Variants in LRRC17 observed in about 807,000 individuals in gnomAD.
LRRC17 encodes the protein leucine-rich repeat-containing protein 17.
In LRRC17, 33 loss-of-function variants were observed where a neutral mutation model predicts 41.5. The ratio of observed to expected loss-of-function variants is 0.80; its 90% confidence interval spans 0.60 to 1.06. The LOEUF is 1.06. Among genes scored for constraint, LRRC17 ranks in the 50% least tolerant of loss-of-function variants. The probability of loss-of-function intolerance (pLI) is 0.00; values close to 1 mark genes in which losing one functional copy is unlikely to be tolerated. For synonymous variants in LRRC17, 192 were observed against 197.0 expected (o/e 0.97, Z 0.21); for missense variants, 491 against 519.3 (o/e 0.95, Z 0.53).
intron 3 of LRRC17, among the ~76,000 whole-genome samples, chr7:102,943,908 G>C (rs1037510460): frequency 2.6e-5 from 4 of 152,146 alleles, no homozygotes; most frequent in Non-Finnish European, 5.9e-5. Flanking sequence ...ACCAAAGTTA[G>C]GACCCCACCT....
intron 1 of LRRC17, among the ~76,000 whole-genome samples, chr7:102,922,368 G>C (rs747193013): frequency 2.6e-5 from 4 of 151,696 alleles, no homozygotes; most frequent in Non-Finnish European, 5.9e-5. Context: ...CTTCTAAAAG[G>C]AAAGAAATCA....
chr7:102,932,040 A>C, intron 1 of LRRC17: 1 of 1,054,476 alleles, frequency 9.5e-7, no homozygotes, highest in Non-Finnish European at 1.4e-6. Context: ...ACAAACAAAA[A>C]CCTTGGCAAG....
At position 102,944,653 on chromosome 7, in the gene LRRC17, G is replaced by A. The variant is rs761514085; in HGVS notation, c.*46G>A. ...TAATTAGTTTTGTATTTTCTATACTGGTGTTAGAAAACATATGTTTACATT... is the reference window on the plus strand; with the variant it reads ...TAATTAGTTTTGTATTTTCTATACTAGTGTTAGAAAACATATGTTTACATT... On this transcript the variant is annotated 3_prime_UTR_variant, in exon 4 of 4. Coordinates refer to ENST00000339431, the MANE Select transcript of LRRC17 (RefSeq NM_001031692.3). The A allele has an allele frequency of 2.7e-6, 4 of 1,480,226 alleles. No individual in the cohort carries two copies. The highest frequency in any genetic ancestry group is 1.4e-5 in the African/African-American group (1 of 71,070). 91.7% of individuals were successfully genotyped at this position (1,480,226 alleles called of 1,614,324 possible).
chr7:102,927,847 G>A (rs1818427329), intron 1 of LRRC17, among the ~76,000 whole-genome samples: 1 of 152,210 alleles, frequency 6.6e-6, no homozygotes, highest in Admixed American at 6.5e-5. Flanking sequence ...AACCACGTGT[G>A]GCACTGTATT....
intron 3 of LRRC17, among the ~76,000 whole-genome samples, chr7:102,943,863 A>G (rs1311973756): frequency 6.6e-6 from 1 of 152,188 alleles, no homozygotes; most frequent in Non-Finnish European, 1.5e-5. Context: ...TGTCTTCATG[A>G]CAGGAGGTAG....
At chr7:102,924,702 C>T (rs1817733922) in intron 1 of LRRC17, among the ~76,000 whole-genome samples, 3 of 139,280 alleles carry the variant, frequency 2.2e-5, no homozygotes, top group Admixed American at 1.6e-4. Context: ...AGTGCAGTGG[C>T]GCAATCTTGG....
At chr7:102,942,708 G>C (rs933397110) in intron 3 of LRRC17, among the ~76,000 whole-genome samples, 1 of 152,102 alleles carries the variant, frequency 6.6e-6, no homozygotes, top group Non-Finnish European at 1.5e-5. Context: ...GCAAGACATT[G>C]CTTGGTACCA....
chr7:102,913,162 T>C lies in LRRC17; in HGVS notation c.-141+17T>C. On this transcript the variant is annotated intron_variant, in intron 1 of 3. Coordinates refer to ENST00000339431, the MANE Select transcript of LRRC17 (RefSeq NM_001031692.3). ...CAAGTTCAGGTACTGTAAGCCTTTGTCTGTGAACCGTCTGCAATAAGCCAA... is the reference window on the plus strand; with the variant it reads ...CAAGTTCAGGTACTGTAAGCCTTTGCCTGTGAACCGTCTGCAATAAGCCAA... 3.7e-6 allele frequency: 6 copies of C among 1,614,168 alleles called. No individual in the cohort carries two copies. The highest frequency in any genetic ancestry group is 5.1e-6 in the Non-Finnish European group (6 of 1,180,012).
intron 1 of LRRC17, among the ~76,000 whole-genome samples, chr7:102,930,413 C>T (rs1383723238): frequency 6.6e-6 from 1 of 152,166 alleles, no homozygotes; most frequent in Non-Finnish European, 1.5e-5. Flanking sequence ...CCTTCTACCA[C>T]TCTCTAAGAC....
intron 2 of LRRC17, among the ~76,000 whole-genome samples, chr7:102,936,851 C>G (rs917299453): frequency 5.9e-5 from 9 of 152,200 alleles, no homozygotes; most frequent in African/African-American, 2.2e-4. Context: ...GGAAATGTCT[C>G]TTTTTCACTG....
intron 1 of LRRC17, among the ~76,000 whole-genome samples, chr7:102,925,982 T>A (rs1043680184): frequency 1.4e-5 from 2 of 147,378 alleles, no homozygotes; most frequent in African/African-American, 2.5e-5. Flanking sequence ...CAGACTGGAA[T>A]GTAAGGGCCA....
At chr7:102,937,273 G>A (rs1383373947) in intron 2 of LRRC17, among the ~76,000 whole-genome samples, 1 of 151,854 alleles carries the variant, frequency 6.6e-6, no homozygotes, top group Non-Finnish European at 1.5e-5. Flanking sequence ...GCCGAGGCAG[G>A]TGGGACACTT....
rs1387879663 is a variant in LRRC17, at chr7:102,934,490, G to A, written c.577G>A (p.Glu193Lys). The A allele has an allele frequency of 6.2e-7, 1 of 1,614,056 alleles. No individual in the cohort carries two copies. Among genetic ancestry groups the A allele is most frequent in the Non-Finnish European group, 8.5e-7 (1 of 1,180,014 alleles). The stretch of plus-strand genomic sequence containing the variant: ...GAATTTGGGGAACTACGCCAAGTGT[G>A]AAAGTCCACAAGAACAAAAAAATAA... Reference protein sequence around the residue: ...NRNLGNYAKCESPQEQKNKKL... With the variant: ...NRNLGNYAKCKSPQEQKNKKL... The change falls in exon 2 of 4, where the codon GAA becomes AAA. Residue 193 changes from glutamate (E) to lysine (K), a missense_variant. Glu to Lys is a moderately conservative substitution (Grantham distance 56). Coordinates refer to ENST00000339431, the MANE Select transcript of LRRC17 (RefSeq NM_001031692.3).
chr7:102,937,630 A>G (rs1820587404), intron 2 of LRRC17, among the ~76,000 whole-genome samples: 1 of 151,774 alleles, frequency 6.6e-6, no homozygotes, highest in Non-Finnish European at 1.5e-5. Context: ...TTTTTGTTAT[A>G]TTGCTGATTC....
chr7:102,917,564 G>A (rs1177601599), intron 1 of LRRC17, among the ~76,000 whole-genome samples: 2 of 152,176 alleles, frequency 1.3e-5, no homozygotes, highest in African/African-American at 4.8e-5. Context: ...GAAGGAGAAA[G>A]GCACTGCAGC....
At chr7:102,926,145 A>T in intron 1 of LRRC17, 1 of 705,162 alleles carries the variant, frequency 1.4e-6, no homozygotes, top group Non-Finnish European at 2.3e-6. Context: ...CAGACCCCTT[A>T]TCAGAAAAGC....
At chr7:102,939,671 GT>G in intron 3 of LRRC17, 86 bp downstream of exon 3, 3 of 1,187,778 alleles carry the variant, frequency 2.5e-6, no homozygotes, top group Non-Finnish European at 3.5e-6. Flanking sequence ...AGTAAATTCA[GT>G]TTAAAAGTAA....
intron 3 of LRRC17, among the ~76,000 whole-genome samples, chr7:102,940,399 A>T (rs890162309): frequency 8.6e-5 from 13 of 150,458 alleles, no homozygotes; most frequent in African/African-American, 2.9e-4. Context: ...TTTAGCAGAG[A>T]CAGGGTTTCA....
chr7:102,931,261 C>G (rs1268765165), intron 1 of LRRC17, among the ~76,000 whole-genome samples: 2 of 152,212 alleles, frequency 1.3e-5, no homozygotes, highest in African/African-American at 4.8e-5. Context: ...TACACAGAAA[C>G]TGAAACAAGT....
Sources: allele counts gnomAD v4.1 joint callset (sites outside exome capture counted in the v4.1 genomes callset), GRCh38; gene constraint gnomAD v4.1.1; transcripts MANE v1.5; gene names NCBI Gene and HGNC (gene_info 2026-07-23, HGNC 2026-07-21).